MCM9: variants seen among roughly 807,000 people sequenced by gnomAD.
MCM9 encodes the protein DNA helicase MCM9.
In MCM9, 55 loss-of-function variants were observed where a neutral mutation model predicts 72.8. That is an observed-to-expected ratio of 0.76 (90% CI 0.61 to 0.95). The LOEUF is 0.95. MCM9 is among the 40% of genes least tolerant of loss of function. The pLI, the probability that MCM9 is intolerant of heterozygous loss-of-function variation, is 0.00. For synonymous variants in MCM9, 480 were observed against 503.4 expected (o/e 0.95, Z 0.62); for missense variants, 1,279 against 1,377.0 (o/e 0.93, Z 1.13).
chr6:118,825,623 T>TAC (rs1774115767), intron 13 of MCM9, among the ~76,000 whole-genome samples: 4 of 152,312 alleles, frequency 2.6e-5, no homozygotes, highest in Admixed American at 2.6e-4. Flanking sequence ...TTCTCAGGCT[T>TAC]ACACGCAAAA....
intron 8 of MCM9, among the ~76,000 whole-genome samples, chr6:118,896,178 C>G (rs1250500753): frequency 6.6e-6 from 1 of 151,762 alleles, no homozygotes; most frequent in Non-Finnish European, 1.5e-5. Context: ...TCTTATTACT[C>G]TGAAGTCATT....
intron 8 of MCM9, among the ~76,000 whole-genome samples, chr6:118,891,441 CT>C (rs1217526106): frequency 3.3e-5 from 5 of 152,182 alleles, no homozygotes; most frequent in African/African-American, 1.2e-4. Flanking sequence ...TAGAAATTTA[CT>C]TTCTCACAGT....
At chr6:118,848,482 T>C (rs1225660640) in intron 9 of MCM9, among the ~76,000 whole-genome samples, 3 of 151,926 alleles carry the variant, frequency 2.0e-5, no homozygotes, top group Non-Finnish European at 4.4e-5. Flanking sequence ...TTACATATTA[T>C]GGCTTCTCTT....
intron 2 of MCM9, 72 bp from the exon 3 acceptor site, chr6:118,931,810 T>G: frequency 8.5e-7 from 1 of 1,176,534 alleles, no homozygotes; most frequent in South Asian, 1.6e-5. Flanking sequence ...CAAAAACGAT[T>G]GGTTATAAAT....
intron 9 of MCM9, among the ~76,000 whole-genome samples, chr6:118,843,670 GTATGTA>G (rs1562407114): frequency 5.8e-5 from 1 of 17,140 alleles, no homozygotes. Flanking sequence ...ATATATATAT[GTATGTA>G]TATATATATG....
intron 8 of MCM9, among the ~76,000 whole-genome samples, chr6:118,857,291 G>C (rs181245103): frequency 6.6e-6 from 1 of 152,168 alleles, no homozygotes; most frequent in Admixed American, 6.5e-5. Flanking sequence ...TACAATATGA[G>C]GGAAGGGATT....
In MCM9 at chr6:118,925,993, T is replaced by C. The variant is rs191393752; in HGVS notation, c.305-1866A>G. ...ATAAAGTAGACAATTCAGTGGTAAT[T>C]AGTATATTCACAATATTGTATAACC... On this transcript the variant is annotated intron_variant, in intron 3 of 13. Coordinates refer to ENST00000619706, the MANE Select transcript of MCM9 (RefSeq NM_017696.3). Among the ~76,000 whole-genome samples, 8 of 152,318 alleles carry C rather than the reference T, an allele frequency of 5.3e-5. No individual in the cohort carries two copies. The East Asian group carries it at 1.3e-3, about 26-fold the overall frequency.
intron 8 of MCM9, among the ~76,000 whole-genome samples, chr6:118,906,723 T>A (rs1780202738): frequency 6.6e-6 from 1 of 152,180 alleles, no homozygotes. Flanking sequence ...TACTTAGTAT[T>A]TTCTGATTTT....
At chr6:118,893,216 A>T (rs1389523174) in intron 8 of MCM9, among the ~76,000 whole-genome samples, 1 of 152,200 alleles carries the variant, frequency 6.6e-6, no homozygotes, top group African/African-American at 2.4e-5. Flanking sequence ...TTCAGACCTC[A>T]ACTGGTTACA....
intron 1 of MCM9, among the ~76,000 whole-genome samples, chr6:118,933,972 A>AAAAAAAAAT (rs1170005938): frequency 9.2e-5 from 14 of 151,690 alleles, no homozygotes; most frequent in Non-Finnish European, 1.9e-4. Flanking sequence ...CCCAAAAAAA[A>AAAAAAAAAT]AAAAAAAAAA....
intron 3 of MCM9, among the ~76,000 whole-genome samples, chr6:118,928,452 T>C (rs1268510960): frequency 6.6e-6 from 1 of 152,144 alleles, no homozygotes; most frequent in African/African-American, 2.4e-5. Flanking sequence ...ATGCTTAGGT[T>C]TGAGTCACAA....
intron 9 of MCM9, among the ~76,000 whole-genome samples, chr6:118,830,669 C>T (rs1379858116): frequency 1.3e-5 from 2 of 152,200 alleles, no homozygotes; most frequent in Non-Finnish European, 2.9e-5. Flanking sequence ...GTCCACAACA[C>T]TGGCAATGAA....
At chr6:118,905,900 A>G in intron 8 of MCM9, 1 of 1,130,348 alleles carries the variant, frequency 8.8e-7, no homozygotes. Flanking sequence ...TTGCAATTTC[A>G]TAGTATACTA....
At chr6:118,822,183 A>C (rs1243367597) in intron 13 of MCM9, among the ~76,000 whole-genome samples, 1 of 152,030 alleles carries the variant, frequency 6.6e-6, no homozygotes, top group Admixed American at 6.6e-5. Flanking sequence ...GAGGAGTTGC[A>C]ATCATTTGAA....
intron 3 of MCM9, among the ~76,000 whole-genome samples, chr6:118,929,470 A>G (rs1045512700): frequency 2.6e-5 from 4 of 152,218 alleles, no homozygotes; most frequent in African/African-American, 4.8e-5. Context: ...CAGTAGTAAC[A>G]TAATTTGTAA....
At chr6:118,908,855 CTT>C (rs1554261435) in intron 8 of MCM9, 1 of 152,596 alleles carries the variant, frequency 6.6e-6, no homozygotes, top group Non-Finnish European at 1.5e-5. Context: ...ATATCTAAAA[CTT>C]TTATACTGCA....
At chr6:118,839,565 C>T (rs2114607394) in intron 9 of MCM9, among the ~76,000 whole-genome samples, 1 of 152,298 alleles carries the variant, frequency 6.6e-6, no homozygotes, top group African/African-American at 2.4e-5. Flanking sequence ...GTGGATTTAT[C>T]TACCTACAGT....
chr6:118,856,261 T>C (rs1776546713), intron 9 of MCM9, 110 bp downstream of exon 9: 3 of 1,062,866 alleles, frequency 2.8e-6, no homozygotes, highest in South Asian at 3.7e-5. Context: ...TGGTAACTGA[T>C]CATCCCAAAG....
rs933243929 is a variant in MCM9 at position 118,828,002 on chromosome 6, G to C, written c.1657C>G (p.Gln553Glu). 3.0e-5 allele frequency: 46 copies of C among 1,550,818 alleles called. No individual in the cohort carries two copies. The African/African-American group carries it at 4.5e-4, about 15-fold the overall frequency. ...NQVLLRYYQMQRQSDCRNAAR... is the reference protein window; with the variant it reads ...NQVLLRYYQMERQSDCRNAAR... ...GCGTTCCGGCAATCACTCTGCCTTTGCATCTGGTAGTACCGGAGAAGAACC... is the reference window on the plus strand; with the variant it reads ...GCGTTCCGGCAATCACTCTGCCTTTCCATCTGGTAGTACCGGAGAAGAACC... Residue 553 changes from glutamine (Q) to glutamate (E), a missense_variant, in exon 11 of 14, where the codon CAA becomes GAA. By Grantham distance (29) the Gln-to-Glu change is conservative. Coordinates refer to ENST00000619706, the MANE Select transcript of MCM9 (RefSeq NM_017696.3).
Sources: allele counts gnomAD v4.1 joint callset (sites outside exome capture counted in the v4.1 genomes callset), GRCh38; gene constraint gnomAD v4.1.1; transcripts MANE v1.5; gene names NCBI Gene and HGNC (gene_info 2026-07-23, HGNC 2026-07-21).